The following CCDC148 variants were observed in gnomAD, a reference collection of about 807,000 sequenced individuals.
The protein encoded by CCDC148 is coiled-coil domain-containing protein 148.
CCDC148 carries 89 observed loss-of-function variants against 85.7 expected under a neutral mutation model. The observed-to-expected ratio is 1.04, with a 90% CI of 0.87 to 1.24. CCDC148 has a LOEUF of 1.24. Ranked by LOEUF, CCDC148 falls within the 50% of genes most tolerant of loss-of-function variation. The probability of loss-of-function intolerance (pLI) is 0.00; values close to 1 mark genes in which losing one functional copy is unlikely to be tolerated. For synonymous variants in CCDC148, 230 were observed against 213.9 expected, an observed-to-expected ratio of 1.08 and a Z score of -0.66; for missense variants, 692 against 671.7, an observed-to-expected ratio of 1.03 and a Z score of -0.33.
chr2:158,254,161 T>G (rs1688917127), intron 9 of CCDC148, among the ~76,000 whole-genome samples: 1 of 151,820 alleles, frequency 6.6e-6, no homozygotes, highest in African/African-American at 2.4e-5. Flanking sequence ...TGGATTCTGA[T>G]GTAAATAAAC....
chr2:158,404,661 G>T (rs1463478807), intron 1 of CCDC148, among the ~76,000 whole-genome samples: 1 of 152,078 alleles, frequency 6.6e-6, no homozygotes, highest in Admixed American at 6.6e-5. Flanking sequence ...CTTTAGCAGA[G>T]ATTTTATGCT....
At chr2:158,223,576 G>C (rs1687320017) in intron 10 of CCDC148, among the ~76,000 whole-genome samples, 1 of 152,158 alleles carries the variant, frequency 6.6e-6, no homozygotes, top group Non-Finnish European at 1.5e-5. Context: ...CCCCCAGTAG[G>C]GGCAGACTGA....
At chr2:158,261,674 A>G (rs1348519749) in intron 9 of CCDC148, among the ~76,000 whole-genome samples, 2 of 151,654 alleles carry the variant, frequency 1.3e-5, no homozygotes, top group Non-Finnish European at 2.9e-5. Context: ...TACAAGAGAA[A>G]AACAATCCCA....
chr2:158,271,756 G>A (rs538831195), intron 9 of CCDC148, among the ~76,000 whole-genome samples: 68 of 152,140 alleles, frequency 4.5e-4, no homozygotes, highest in African/African-American at 1.6e-3. Flanking sequence ...GCATCTACTG[G>A]GGGTCTTGGA....
At chr2:158,278,037 G>C (rs1301857478) in intron 9 of CCDC148, among the ~76,000 whole-genome samples, 2 of 152,158 alleles carry the variant, frequency 1.3e-5, no homozygotes, top group Non-Finnish European at 1.5e-5. Context: ...TCAGTCATTA[G>C]AGTGTCCCCT....
intron 9 of CCDC148, among the ~76,000 whole-genome samples, chr2:158,304,798 C>T (rs1691605947): frequency 6.6e-6 from 1 of 152,118 alleles, no homozygotes; most frequent in African/African-American, 2.4e-5. Flanking sequence ...CAGATGCCTC[C>T]AAGGAGAGCC....
intron 1 of CCDC148, among the ~76,000 whole-genome samples, chr2:158,410,200 T>G (rs1686200439): frequency 6.6e-6 from 1 of 152,212 alleles, no homozygotes; most frequent in Non-Finnish European, 1.5e-5. Context: ...ACTATTTGCA[T>G]GGAATATTTT....
chr2:158,327,302 C>T (rs1019181534), intron 7 of CCDC148, among the ~76,000 whole-genome samples: 3 of 152,292 alleles, frequency 2.0e-5, no homozygotes, highest in East Asian at 3.9e-4. Context: ...ACACTCTTGC[C>T]ACATCTGTTA....
intron 1 of CCDC148, among the ~76,000 whole-genome samples, chr2:158,423,643 GA>G (rs1438149274): frequency 6.6e-6 from 1 of 152,086 alleles, no homozygotes; most frequent in African/African-American, 2.4e-5. Context: ...TACCATTCAG[GA>G]CATAGGCATG....
At chr2:158,273,045 A>T (rs1689769868) in intron 9 of CCDC148, among the ~76,000 whole-genome samples, 2 of 152,206 alleles carry the variant, frequency 1.3e-5, no homozygotes, top group South Asian at 4.1e-4. Context: ...TGAGATGATG[A>T]CTTTGGAAGA....
At chr2:158,258,721 AC>A (rs1689105069) in intron 9 of CCDC148, among the ~76,000 whole-genome samples, 3 of 151,254 alleles carry the variant, frequency 2.0e-5, no homozygotes, top group Non-Finnish European at 3.0e-5. Context: ...CATAACCACC[AC>A]CCTAATTCCA....
chr2:158,304,766 T>C (rs1013759182), intron 9 of CCDC148, among the ~76,000 whole-genome samples: 2 of 152,158 alleles, frequency 1.3e-5, no homozygotes, highest in Middle Eastern at 3.4e-3. Flanking sequence ...GGCAATAAAT[T>C]AGCCTGAAAT....
intron 1 of CCDC148, among the ~76,000 whole-genome samples, chr2:158,450,678 A>C (rs1688370832): frequency 6.6e-6 from 1 of 151,844 alleles, no homozygotes; most frequent in African/African-American, 2.4e-5. Context: ...TGTTAATTTT[A>C]CTGTGATTCC....
At chr2:158,309,179 T>C (rs1252673185) in intron 9 of CCDC148, among the ~76,000 whole-genome samples, 1 of 152,238 alleles carries the variant, frequency 6.6e-6, no homozygotes, top group East Asian at 1.9e-4. Flanking sequence ...ATGGTTGGTA[T>C]TGGATATCTC....
At chr2:158,437,180 A>G (rs1471965214) in intron 1 of CCDC148, among the ~76,000 whole-genome samples, 1 of 152,204 alleles carries the variant, frequency 6.6e-6, no homozygotes, top group Non-Finnish European at 1.5e-5. Context: ...ACCAAAAAAG[A>G]GAATTTTAGA....
chr2:158,334,247 G>C (rs1191860374), intron 7 of CCDC148, among the ~76,000 whole-genome samples: 2 of 152,080 alleles, frequency 1.3e-5, no homozygotes, highest in Admixed American at 6.6e-5. Context: ...AGAGGTTTCT[G>C]CTCATGTATT....
rs755334077 is a variant in CCDC148 at position 158,345,188 on chromosome 2, G to C, written c.251+27C>G. ...GTGCTATTCCTAGTAATTCCTACGT[G>C]TTCTTACTATGTCCCCCAGTTCTTA... On this transcript the variant is annotated intron_variant, in intron 3 of 13. Transcript: ENST00000283233. The C allele has an allele frequency of 2.6e-6, 4 of 1,514,762 alleles. No homozygotes were observed. The Admixed American group carries it at 6.8e-5, about 26-fold the overall frequency. The allele number at this position is 1,514,762 out of a possible 1,614,324, so 93.8% of individuals were successfully genotyped here. A position where few individuals can be genotyped will look rare whatever the true frequency, so the allele number is the denominator to read the frequency against.
chr2:158,280,654 T>G (rs982214512), intron 9 of CCDC148, among the ~76,000 whole-genome samples: 14 of 152,124 alleles, frequency 9.2e-5, no homozygotes, highest in African/African-American at 3.4e-4. Flanking sequence ...ACAAAGAGAC[T>G]TAGACTACCA....
intron 1 of CCDC148, among the ~76,000 whole-genome samples, chr2:158,391,446 G>A (rs748762777): frequency 1.3e-5 from 2 of 152,114 alleles, no homozygotes; most frequent in African/African-American, 2.4e-5. Context: ...CCCAAGTAAT[G>A]AGACTTTATA....
Sources: allele counts gnomAD v4.1 joint callset (sites outside exome capture counted in the v4.1 genomes callset), GRCh38; gene constraint gnomAD v4.1.1; transcripts MANE v1.5; gene names NCBI Gene and HGNC (gene_info 2026-07-23, HGNC 2026-07-21).